Variants in CECR2 observed in about 807,000 individuals in gnomAD.
CECR2 encodes chromatin remodeling regulator CECR2.
Under a neutral mutation model 154.5 loss-of-function variants are expected in CECR2, and 30 were observed. The ratio of observed to expected loss-of-function variants is 0.19; its 90% CI spans 0.15 to 0.26. CECR2 has a LOEUF of 0.26. Among genes scored for constraint, CECR2 ranks in the 10% least tolerant of loss-of-function variants. The probability of loss-of-function intolerance (pLI) is 1.00; values close to 1 mark genes in which losing one functional copy is unlikely to be tolerated. For missense variants in CECR2, 1,743 were observed against 1,829.3 expected, an observed-to-expected ratio of 0.95 and a Z score of 0.86; for synonymous variants, 725 against 683.7, an observed-to-expected ratio of 1.06 and a Z score of -0.94.
Position 17,549,460 on chromosome 22 carries a change from C to T in CECR2, c.4173C>T (p.Arg1391=). The T allele has an allele frequency of 6.2e-6, 10 of 1,611,966 alleles. No homozygotes were observed. Among genetic ancestry groups the T allele is most frequent in the Non-Finnish European group, 8.5e-6 (10 of 1,179,000 alleles). The change falls in exon 17 of 19, where the codon CGC becomes CGT. Residue 1391 remains arginine, a synonymous_variant. Transcript: ENST00000262608. ...TCTCTCAGGAGGGTCCCATCTATCG[C>T]TGCCAGGAAGAAGGCCTGGGTCACT... is the stretch of plus-strand genomic sequence containing the variant. ...NGLSQEGPIY[R]CQEEGLGHFQ...
intron 1 of CECR2, among the ~76,000 whole-genome samples, chr22:17,398,703 C>A (rs770316963): frequency 6.6e-6 from 1 of 152,124 alleles, no homozygotes; most frequent in Non-Finnish European, 1.5e-5. Flanking sequence ...GAATTAAATA[C>A]CTTCAAGTTT....
chr22:17,536,046 C>T lies in CECR2; in HGVS notation c.1109-1057C>T, dbSNP rs144558224. 0.013 allele frequency among the ~76,000 whole-genome samples: 1,951 copies of T among 152,124 alleles called. 66 individuals are homozygous for T. The East Asian group carries it at 0.14, about 11-fold the overall frequency. Reference sequence around the variant, plus strand: ...GGCAGTTCACCTGAGGTCACGAGTTCGAGACCAGCCTGACCAACATGGAGA... The same window carrying T: ...GGCAGTTCACCTGAGGTCACGAGTTTGAGACCAGCCTGACCAACATGGAGA... On this transcript the variant is annotated intron_variant, in intron 9 of 18. Coordinates refer to ENST00000262608, the MANE Select transcript of CECR2 (RefSeq NM_001290047.2).
chr22:17,431,594 G>A (rs149258757), intron 1 of CECR2, among the ~76,000 whole-genome samples: 2 of 151,880 alleles, frequency 1.3e-5, no homozygotes, highest in African/African-American at 4.8e-5. Context: ...ATATACTACT[G>A]TTTCACCTGA....
Position 17,541,884 on chromosome 22 carries a change from C to A in CECR2, c.1930C>A (p.Pro644Thr). ...ATTTGGCCCTCTGCGAGGATCAGATCCTGCCACCTTGTATGGCTCCTCTGG... is the reference window on the plus strand; with the variant it reads ...ATTTGGCCCTCTGCGAGGATCAGATACTGCCACCTTGTATGGCTCCTCTGG... ...GTFGPLRGSD[P>T]ATLYGSSGVP... is the part of the protein sequence containing the mutation. The change falls in exon 15 of 19, where the codon CCT (proline) becomes ACT (threonine). Residue 644 changes from proline to threonine, a missense_variant. By Grantham distance (38) the Pro-to-Thr change is conservative (BLOSUM62 -1). Transcript: ENST00000262608. 6.2e-7 allele frequency: 1 copy of A among 1,614,016 alleles called. No individual in the cohort carries two copies. Among genetic ancestry groups the A allele is most frequent in the Non-Finnish European group, 8.5e-7 (1 of 1,179,872 alleles).
intron 1 of CECR2, among the ~76,000 whole-genome samples, chr22:17,456,920 TTTAGA>T (rs2054862603): frequency 2.6e-5 from 4 of 152,254 alleles, no homozygotes; most frequent in Non-Finnish European, 5.9e-5. Flanking sequence ...TTTTCACACA[TTTAGA>T]ATAAGGGTAG....
chr22:17,490,665 G>C (rs1412193509), intron 2 of CECR2, among the ~76,000 whole-genome samples: 1 of 151,702 alleles, frequency 6.6e-6, no homozygotes, highest in Non-Finnish European at 1.5e-5. Context: ...TGGCCAGGCT[G>C]GTCTCAAACT....
intron 16 of CECR2, among the ~76,000 whole-genome samples, chr22:17,545,560 C>A: frequency 6.6e-6 from 1 of 151,436 alleles, no homozygotes; most frequent in East Asian, 2.0e-4. Flanking sequence ...ATAATAGATT[C>A]CTGGCTGAGC....
intron 1 of CECR2, among the ~76,000 whole-genome samples, chr22:17,442,516 G>C (rs1440053350): frequency 6.6e-6 from 1 of 152,144 alleles, no homozygotes; most frequent in Non-Finnish European, 1.5e-5. Context: ...TTCAAGGCTT[G>C]CAGTGAGCTT....
chr22:17,424,831 A>G (rs2054307106), intron 1 of CECR2: 1 of 152,382 alleles, frequency 6.6e-6, no homozygotes, highest in African/African-American at 2.4e-5. Context: ...GGCAGCTCCT[A>G]TGAATTGTGA....
Position 17,470,405 on chromosome 22 carries a change from A to AG in CECR2, c.127-7183_127-7182insG, listed in dbSNP as rs1353523074. ...GAGACTCCGTCTCAAAAAAAAAAAA[A>AG]AAAGAAAAAAAAATTCTGTCTATGC... is the stretch of plus-strand genomic sequence containing the variant. On this transcript the variant is annotated intron_variant, in intron 1 of 18. Transcript: ENST00000262608. Among the ~76,000 whole-genome samples the AG allele has an allele frequency of 2.0e-5, 3 of 151,738 alleles. No homozygotes were observed. The East Asian group carries it at 5.8e-4, about 29-fold the overall frequency.
At chr22:17,454,819 C>T (rs764025908) in intron 1 of CECR2, among the ~76,000 whole-genome samples, 4 of 152,170 alleles carry the variant, frequency 2.6e-5, no homozygotes, top group African/African-American at 4.8e-5. Context: ...GTTTGAAATG[C>T]TTGTTTCCTG....
intron 1 of CECR2, among the ~76,000 whole-genome samples, chr22:17,436,343 A>G (rs779113030): frequency 1.3e-5 from 2 of 152,220 alleles, no homozygotes; most frequent in Non-Finnish European, 2.9e-5. Context: ...ATAAAGTTCT[A>G]TGCACAATAA....
chr22:17,508,104 A>G (rs935602181), intron 7 of CECR2, among the ~76,000 whole-genome samples: 4 of 152,218 alleles, frequency 2.6e-5, no homozygotes, highest in Non-Finnish European at 4.4e-5. Context: ...TGCCCCAAGT[A>G]ACCATGTTTT....
intron 6 of CECR2, among the ~76,000 whole-genome samples, chr22:17,503,374 A>C (rs1323903492): frequency 6.6e-6 from 1 of 152,176 alleles, no homozygotes; most frequent in African/African-American, 2.4e-5. Flanking sequence ...GGGACAGTGT[A>C]ATAGACACCT....
At chr22:17,421,285 A>G (rs1019833334) in intron 1 of CECR2, among the ~76,000 whole-genome samples, 4 of 151,866 alleles carry the variant, frequency 2.6e-5, no homozygotes, top group Non-Finnish European at 5.9e-5. Flanking sequence ...CCTGGCCAAC[A>G]TAGTGAAACC....
chr22:17,368,308 G>A (rs1264578137), upstream of CECR2, among the ~76,000 whole-genome samples: 1 of 152,120 alleles, frequency 6.6e-6, no homozygotes, highest in African/African-American at 2.4e-5. Context: ...CTTTGTGATT[G>A]TGCCTGTCAC....
intron 8 of CECR2, among the ~76,000 whole-genome samples, chr22:17,515,022 CAAA>C (rs913316044): frequency 4.8e-5 from 4 of 83,076 alleles, no homozygotes; most frequent in East Asian, 3.4e-4. Context: ...GACTCCGTCT[CAAA>C]AAAAAAAAAA....
chr22:17,472,270 G>A (rs1232384182), intron 1 of CECR2, among the ~76,000 whole-genome samples: 1 of 152,192 alleles, frequency 6.6e-6, no homozygotes, highest in African/African-American at 2.4e-5. Context: ...ATGCCTTTGG[G>A]ATTAAATTAA....
chr22:17,453,532 C>T (rs2054805532), intron 1 of CECR2, among the ~76,000 whole-genome samples: 1 of 152,062 alleles, frequency 6.6e-6, no homozygotes, highest in African/African-American at 2.4e-5. Flanking sequence ...GGGTTTATAC[C>T]ATTTATGAGG....
Sources: gnomAD v4.1 joint callset for allele counts (sites outside exome capture counted in the v4.1 genomes callset) on GRCh38, gnomAD v4.1.1 for gene constraint, MANE v1.5 for transcripts, NCBI Gene and HGNC (gene_info 2026-07-23, HGNC 2026-07-21) for gene names.